Variants in RSPH10B observed in about 807,000 individuals in gnomAD.
RSPH10B encodes the protein radial spoke head 10 homolog B (Chlamydomonas).
A neutral mutation model predicts 52.5 loss-of-function variants in RSPH10B; 7 were observed. The observed-to-expected ratio is 0.13, with a 90% CI of 0.08 to 0.25. The LOEUF (loss-of-function observed/expected upper bound fraction) is 0.25. Ranked by LOEUF, RSPH10B falls within the 10% of genes least tolerant of loss-of-function variation. The pLI is 1.00. For missense variants in RSPH10B, 89 were observed against 542.5 expected (o/e 0.16, Z 8.30); for synonymous variants, 28 against 193.2 (o/e 0.14, Z 7.09).
chr7:5,943,119 T>C lies in RSPH10B; in HGVS notation c.1758+205A>G, dbSNP rs1167947744. The C allele has an allele frequency of 5.2e-6, 6 of 1,156,522 alleles. No homozygotes were observed. The African/African-American group carries it at 9.5e-5, about 18-fold the overall frequency. The allele number at this position is 1,156,522 out of a possible 1,614,324, so 71.6% of individuals were successfully genotyped here. ...GTCTTGCCCTAATCTGTTAGCATAT[T>C]GGGCAGGTGACGGCTGTTTCTGTTC... is the stretch of plus-strand genomic sequence containing the variant. On this transcript the variant is annotated intron_variant, in intron 13 of 18. Transcript: ENST00000337579.
intron 10 of RSPH10B, among the ~76,000 whole-genome samples, chr7:5,947,860 TTGTG>T (rs201265529): frequency 0.1 from 9,080 of 90,472 alleles, 886 homozygotes; most frequent in African/African-American, 0.18. Flanking sequence ...CCCCTGCCTT[TTGTG>T]TGTGTGTGTG....
At chr7:5,966,840 G>C in intron 1 of RSPH10B, 23 bp downstream of exon 3, 1 of 1,166,910 alleles carries the variant, frequency 8.6e-7, no homozygotes, top group Non-Finnish European at 1.2e-6. Flanking sequence ...TGTTATACCC[G>C]ATGGCACCCC....
chr7:5,938,011 CCA>C (rs71237973), intron 14 of RSPH10B, 110 bp from the exon 17 acceptor site: 278 of 730,016 alleles, frequency 3.8e-4, no homozygotes, highest in Non-Finnish European at 4.8e-4. Flanking sequence ...GCACGTTTGC[CCA>C]CACACACACA....
chr7:5,944,568 G>A (rs1780391482), intron 11 of RSPH10B, among the ~76,000 whole-genome samples: 1 of 148,068 alleles, frequency 6.8e-6, no homozygotes, highest in African/African-American at 2.6e-5. Flanking sequence ...CAGATATGAA[G>A]GGCTTTCAAA....
intron 13 of RSPH10B, among the ~76,000 whole-genome samples, chr7:5,941,397 A>G (rs1425049396): frequency 7.0e-6 from 1 of 142,320 alleles, no homozygotes; most frequent in Non-Finnish European, 1.6e-5. Flanking sequence ...ACACTGTATC[A>G]TTAGTATTTG....
At chr7:5,933,997 A>AT (rs577934450) in intron 16 of RSPH10B, among the ~76,000 whole-genome samples, 1,279 of 3,932 alleles carry the variant, frequency 0.33, 143 homozygotes, top group East Asian at 0.65. Flanking sequence ...TAATTTTTAT[A>AT]TATTTTAGCA....
intron 17 of RSPH10B, among the ~76,000 whole-genome samples, chr7:5,931,310 G>C (rs1485719813): frequency 6.6e-6 from 1 of 150,974 alleles, no homozygotes; most frequent in East Asian, 1.9e-4. Context: ...AGGAGTAACG[G>C]GAAACGACAG....
chr7:5,926,370 ACTTTTT>A, exon 19 of RSPH10B: 2 of 1,429,006 alleles, frequency 1.4e-6, no homozygotes, highest in Non-Finnish European at 1.9e-6. Context: ...GTGTCTCTCT[ACTTTTT>A]CTTCTTCTTG....
chr7:5,928,652 G>A (rs1189520541), intron 17 of RSPH10B, among the ~76,000 whole-genome samples: 1 of 137,272 alleles, frequency 7.3e-6, no homozygotes, highest in Non-Finnish European at 1.5e-5. Flanking sequence ...TTTTTTTGGA[G>A]ACAGAATCTC....
At position 5,943,734 on chromosome 7, in the gene RSPH10B, T is replaced by C. The variant is rs1364039526; in HGVS notation, c.1609+177A>G. ...AATTTTTTTGTATTTCTAGTAGAGATGGGGTTTTGCCATGTTGGCCAGGCT... is the reference window on the plus strand; with the variant it reads ...AATTTTTTTGTATTTCTAGTAGAGACGGGGTTTTGCCATGTTGGCCAGGCT... On this transcript the variant is annotated intron_variant, in intron 12 of 18. Transcript: ENST00000337579. Among the ~76,000 whole-genome samples, 26 of 151,006 alleles carry C rather than the reference T, an allele frequency of 1.7e-4. 2 individuals are homozygous for C. The highest frequency in any genetic ancestry group is 1.2e-3 in the Admixed American group (18 of 15,004).
chr7:5,960,396 G>C (rs1284852535), intron 4 of RSPH10B, among the ~76,000 whole-genome samples: 2 of 61,814 alleles, frequency 3.2e-5, no homozygotes, highest in East Asian at 5.7e-4. Flanking sequence ...CTGGGCGACA[G>C]AGCAAGACTC....
intron 17 of RSPH10B, among the ~76,000 whole-genome samples, chr7:5,928,701 T>G (rs1475211680): frequency 5.4e-5 from 8 of 148,624 alleles, no homozygotes; most frequent in African/African-American, 2.0e-4. Flanking sequence ...GCGTGATCTC[T>G]GCTCACTGCA....
chr7:5,927,035 G>GTATATATA, intron 18 of RSPH10B, among the ~76,000 whole-genome samples: 2 of 49,698 alleles, frequency 4.0e-5, no homozygotes. Flanking sequence ...GTGTGTGTGT[G>GTATATATA]TGTGTGTGTG....
At chr7:5,944,586 T>A (rs1247559616) in intron 11 of RSPH10B, among the ~76,000 whole-genome samples, 2 of 147,546 alleles carry the variant, frequency 1.4e-5, no homozygotes, top group African/African-American at 2.6e-5. Context: ...AAAGTTTTGA[T>A]CCAGTATGTC....
At chr7:5,942,912 T>TATA (rs1562567124) in intron 13 of RSPH10B, among the ~76,000 whole-genome samples, 25 of 93,618 alleles carry the variant, frequency 2.7e-4, no homozygotes, top group African/African-American at 8.5e-4. Flanking sequence ...ATATATTTAT[T>TATA]TATATATATA....
At chr7:5,927,023 G>A (rs1212221595) in intron 18 of RSPH10B, among the ~76,000 whole-genome samples, 1 of 53,560 alleles carries the variant, frequency 1.9e-5, no homozygotes, top group Admixed American at 2.4e-4. Context: ...CCAAAGTTAC[G>A]TGTGTGTGTG....
At chr7:5,944,157 G>A (rs1780368368) in intron 11 of RSPH10B, among the ~76,000 whole-genome samples, 167 bp from the exon 14 acceptor site, 1 of 151,216 alleles carries the variant, frequency 6.6e-6, no homozygotes, top group Non-Finnish European at 1.5e-5. Flanking sequence ...AGCATTTTGG[G>A]AGGCCAAGGT....
rs1318346000 is a variant in RSPH10B at position 5,927,080 on chromosome 7, G to GTATATATATA, written c.2433-533_2433-532insTATATATATA. On this transcript the variant is annotated intron_variant, in intron 18 of 18. Coordinates refer to ENST00000337579, the Ensembl canonical transcript of RSPH10B. ...TGTGTGTGTGTGTATATGTGTGTGT[G>GTATATATATA]TGTGTGTGTGTGTGTGTATTTTTTT... Among the ~76,000 whole-genome samples the GTATATATATA allele has an allele frequency of 3.2e-4, 42 of 132,204 alleles. 1 individual carries two copies. The highest frequency in any genetic ancestry group is 1.1e-3 in the African/African-American group (38 of 34,730). 86.7% of individuals were successfully genotyped at this position (132,204 alleles called of 152,430 possible).
intron 17 of RSPH10B, among the ~76,000 whole-genome samples, chr7:5,931,748 C>T (rs1427978775): frequency 3.3e-5 from 5 of 150,676 alleles, no homozygotes; most frequent in African/African-American, 1.2e-4. Context: ...CACCTGTAAT[C>T]TCAGTACTTT....
Sources: gnomAD v4.1 joint callset for allele counts (sites outside exome capture counted in the v4.1 genomes callset) on GRCh38, gnomAD v4.1.1 for gene constraint, MANE v1.5 for transcripts, NCBI Gene and HGNC (gene_info 2026-07-23, HGNC 2026-07-21) for gene names.